Variants in NINL observed in about 807,000 individuals in gnomAD.
NINL encodes the protein ninein like.
A neutral mutation model predicts 160.3 loss-of-function variants in NINL; 153 were observed. That is an observed-to-expected ratio of 0.95 (90% CI 0.84 to 1.09). The LOEUF (loss-of-function observed/expected upper bound fraction) is 1.09, where lower values mean the gene tolerates loss of function less well. Ranked by LOEUF, NINL falls within the 50% of genes least tolerant of loss-of-function variation. The probability of loss-of-function intolerance (pLI) is 0.00; values close to 1 mark genes in which losing one functional copy is unlikely to be tolerated. For missense variants in NINL, 1,829 were observed against 1,764.0 expected, an observed-to-expected ratio of 1.04 and a Z score of -0.66; for synonymous variants, 800 against 734.8, an observed-to-expected ratio of 1.09 and a Z score of -1.43.
intron 1 of NINL, among the ~76,000 whole-genome samples, chr20:25,554,034 C>A (rs1254910946): frequency 6.6e-6 from 1 of 152,254 alleles, no homozygotes; most frequent in Non-Finnish European, 1.5e-5. Flanking sequence ...CGGGTCAGGG[C>A]AGAAGGACCA....
intron 1 of NINL, among the ~76,000 whole-genome samples, chr20:25,546,191 CCTT>C (rs1226229276): frequency 2.0e-5 from 3 of 152,162 alleles, no homozygotes; most frequent in South Asian, 2.1e-4. Context: ...GCATAAACCT[CCTT>C]AAGATATTTT....
chr20:25,531,110 T>C (rs562046039), intron 1 of NINL, among the ~76,000 whole-genome samples: 7 of 152,332 alleles, frequency 4.6e-5, no homozygotes, highest in South Asian at 4.1e-4. Flanking sequence ...GGGATGTTCC[T>C]TGCTGAGAAA....
intron 1 of NINL, among the ~76,000 whole-genome samples, chr20:25,532,811 G>A (rs376312848): frequency 2.0e-5 from 3 of 152,272 alleles, no homozygotes; most frequent in African/African-American, 7.2e-5. Context: ...CAAAATAAAG[G>A]AAACGAGGAG....
intron 1 of NINL, among the ~76,000 whole-genome samples, chr20:25,556,198 T>G (rs1473732415): frequency 6.6e-6 from 1 of 151,984 alleles, no homozygotes; most frequent in Admixed American, 6.5e-5. Context: ...GGGAGAGGAC[T>G]GCTTGAGCTT....
intron 17 of NINL, 124 bp from the exon 18 acceptor site, chr20:25,470,219 G>A (rs1601034292): frequency 5.6e-6 from 4 of 719,196 alleles, no homozygotes; most frequent in Non-Finnish European, 9.8e-6. Flanking sequence ...TGGAGGTGGC[G>A]CCAGACACCA....
In NINL at chr20:25,462,396, CTG is replaced by C. The variant is rs1568838174; in HGVS notation, c.3567_3568del (p.Ser1190TrpfsTer6). On this transcript the variant is annotated frameshift_variant, in exon 20 of 24. Transcript: ENST00000278886. LOFTEE classifies it high-confidence loss of function. Reference sequence around the variant, plus strand: ...GAGGCCACCCACCTGCTGCTGCCCACTGCGAACCACCTCCTCCAGGCTCTGTG... The same window carrying C: ...GAGGCCACCCACCTGCTGCTGCCCACCGAACCACCTCCTCCAGGCTCTGTG... 6.2e-7 allele frequency: 1 copy of C among 1,613,356 alleles called. No individual in the cohort carries two copies. The highest frequency in any genetic ancestry group is 1.7e-5 in the Admixed American group (1 of 59,946).
intron 17 of NINL, 103 bp downstream of exon 17, chr20:25,475,940 C>G: frequency 8.0e-7 from 1 of 1,243,066 alleles, no homozygotes; most frequent in Middle Eastern, 2.3e-4. Flanking sequence ...GCGAGCTTGT[C>G]GGCAGGAAGG....
chr20:25,468,158 C>T (rs1300110232), intron 18 of NINL, among the ~76,000 whole-genome samples: 1 of 152,148 alleles, frequency 6.6e-6, no homozygotes, highest in Admixed American at 6.5e-5. Flanking sequence ...ACACATTCTC[C>T]CTTCCTCAGT....
At chr20:25,542,587 C>A (rs763996529) in intron 1 of NINL, among the ~76,000 whole-genome samples, 4 of 151,244 alleles carry the variant, frequency 2.6e-5, no homozygotes, top group Admixed American at 6.6e-5. Context: ...ATGGTCAAAC[C>A]TTAAAGGCAA....
chr20:25,539,333 G>A (rs1387397328), intron 1 of NINL, among the ~76,000 whole-genome samples: 2 of 152,236 alleles, frequency 1.3e-5, no homozygotes, highest in Admixed American at 6.5e-5. Flanking sequence ...CCACAGCCAC[G>A]GAGAACCAGC....
At chr20:25,555,237 T>C (rs2064852452) in intron 1 of NINL, among the ~76,000 whole-genome samples, 1 of 152,168 alleles carries the variant, frequency 6.6e-6, no homozygotes, top group Non-Finnish European at 1.5e-5. Flanking sequence ...TGTGACACTG[T>C]CAGACATGGC....
At chr20:25,467,877 G>A (rs1195233764) in intron 18 of NINL, among the ~76,000 whole-genome samples, 1 of 152,030 alleles carries the variant, frequency 6.6e-6, no homozygotes, top group Non-Finnish European at 1.5e-5. Flanking sequence ...CCATCAGCAG[G>A]GTCCTCACAG....
chr20:25,491,502 TCCCGGTACC>T lies in NINL; in HGVS notation c.1325_1333del (p.Gly442_Arg444del). ...CTCAGACCGCAGGAGGCTCAGCCTT[TCCCGGTACC>T]CCTGCTCCAGATGCCTGTAACATGT... On this transcript the variant is annotated inframe_deletion, in exon 11 of 24. Coordinates refer to ENST00000278886, the MANE Select transcript of NINL (RefSeq NM_025176.6). 1 of 1,613,952 alleles carries T rather than the reference TCCCGGTACC, an allele frequency of 6.2e-7. No homozygotes were observed. Among genetic ancestry groups the T allele is most frequent in the South Asian group, 1.1e-5 (1 of 91,060 alleles).
At chr20:25,580,403 T>G (rs542371475) in intron 1 of NINL, among the ~76,000 whole-genome samples, 1 of 151,758 alleles carries the variant, frequency 6.6e-6, no homozygotes, top group South Asian at 2.1e-4. Flanking sequence ...CAAAAATTGG[T>G]ATATCCTAGA....
At chr20:25,481,367 C>T (rs747316979) in intron 14 of NINL, among the ~76,000 whole-genome samples, 1 of 152,204 alleles carries the variant, frequency 6.6e-6, no homozygotes, top group Admixed American at 6.5e-5. Flanking sequence ...ACCTCAAGGG[C>T]GGCTGCAGCA....
At chr20:25,541,981 A>G in intron 1 of NINL, among the ~76,000 whole-genome samples, 1 of 152,176 alleles carries the variant, frequency 6.6e-6, no homozygotes, top group Non-Finnish European at 1.5e-5. Context: ...CTATTTCAAA[A>G]CTCTGGAATC....
chr20:25,498,987 T>C, intron 8 of NINL: 1 of 985,492 alleles, frequency 1.0e-6, no homozygotes, highest in Non-Finnish European at 1.2e-6. Flanking sequence ...GCTAACGTTC[T>C]GTCGTGTTTG....
intron 13 of NINL, among the ~76,000 whole-genome samples, chr20:25,482,583 TCAAGTGATATA>T (rs2063415262): frequency 6.6e-6 from 1 of 151,906 alleles, no homozygotes; most frequent in Non-Finnish European, 1.5e-5. Context: ...ACTCCTGGCC[TCAAGTGATATA>T]CCCATCTCAG....
chr20:25,539,870 A>C (rs2064631734), intron 1 of NINL, among the ~76,000 whole-genome samples: 1 of 152,210 alleles, frequency 6.6e-6, no homozygotes, highest in Non-Finnish European at 1.5e-5. Flanking sequence ...GGAGGAAAGA[A>C]ACGGAGCTTT....
Sources: allele counts gnomAD v4.1 joint callset (sites outside exome capture counted in the v4.1 genomes callset), GRCh38; gene constraint gnomAD v4.1.1; transcripts MANE v1.5; gene names NCBI Gene and HGNC (gene_info 2026-07-23, HGNC 2026-07-21).